CNTNAP5: variants seen among roughly 807,000 people sequenced by gnomAD.
CNTNAP5 encodes the protein contactin associated protein family member 5.
In CNTNAP5, 72 loss-of-function variants were observed where a neutral mutation model predicts 150.2. That is an observed-to-expected ratio of 0.48 (90% CI 0.40 to 0.58). The LOEUF is 0.58. Ranked by LOEUF, CNTNAP5 falls within the 20% of genes least tolerant of loss-of-function variation. The pLI, the probability that CNTNAP5 is intolerant of heterozygous loss-of-function variation, is 0.00. For synonymous variants in CNTNAP5, 672 were observed against 619.8 expected (o/e 1.08, Z -1.25); for missense variants, 1,636 against 1,626.2 (o/e 1.01, Z -0.10).
At position 124,786,446 on chromosome 2, in the gene CNTNAP5, G is replaced by GGAAA. The variant is rs1169080964; in HGVS notation, c.2753-3438_2753-3435dup. 7.6e-4 allele frequency among the ~76,000 whole-genome samples: 60 copies of GGAAA among 78,818 alleles called. 1 individual carries two copies. The highest frequency in any genetic ancestry group is 4.2e-3 in the South Asian group (9 of 2,136). 51.7% of individuals were successfully genotyped at this position (78,818 alleles called of 152,430 possible). A position where few individuals can be genotyped will look rare whatever the true frequency, so the allele number is the denominator to read the frequency against. ...AGGAAGGAAGGAAGGAAGGAAGGAAGGAAAGAAAGAAAGAAAGAAAGGAAG... is the reference window on the plus strand; with the variant it reads ...AGGAAGGAAGGAAGGAAGGAAGGAAGGAAAGAAAGAAAGAAAGAAAGAAAGGAAG... On this transcript the variant is annotated intron_variant, in intron 17 of 23. Coordinates refer to ENST00000682447, the MANE Select transcript of CNTNAP5 (RefSeq NM_001367498.1).
chr2:124,622,763 C>T (rs1677645112), intron 12 of CNTNAP5, among the ~76,000 whole-genome samples: 1 of 152,098 alleles, frequency 6.6e-6, no homozygotes, highest in Admixed American at 6.6e-5. Flanking sequence ...ACTTCCATTG[C>T]CCTACTTCAG....
chr2:124,887,013 T>C lies in CNTNAP5; in HGVS notation c.3437-15869T>C, dbSNP rs1242596272. On this transcript the variant is annotated intron_variant, in intron 21 of 23. Coordinates refer to ENST00000682447, the MANE Select transcript of CNTNAP5 (RefSeq NM_001367498.1). ...TTAATCTTTTTCCTTTTTCTTGGCATAGTGAAAAAAATATGGAATTTGGAG... is the reference window on the plus strand; with the variant it reads ...TTAATCTTTTTCCTTTTTCTTGGCACAGTGAAAAAAATATGGAATTTGGAG... Among the ~76,000 whole-genome samples, 5 of 152,062 alleles carry C rather than the reference T, an allele frequency of 3.3e-5. No homozygotes were observed. The East Asian group carries it at 5.8e-4, about 18-fold the overall frequency.
chr2:124,412,146 A>G (rs1691786190), intron 3 of CNTNAP5, among the ~76,000 whole-genome samples: 1 of 132,148 alleles, frequency 7.6e-6, no homozygotes, highest in Non-Finnish European at 1.7e-5. Flanking sequence ...CAAAGAGAAT[A>G]AAATACCTAG....
chr2:124,238,574 C>A (rs570224474), intron 2 of CNTNAP5, among the ~76,000 whole-genome samples: 1 of 152,172 alleles, frequency 6.6e-6, no homozygotes, highest in African/African-American at 2.4e-5. Flanking sequence ...TGCAAGTGTT[C>A]CCTTTAAGTG....
chr2:124,734,748 G>A (rs562929951), intron 13 of CNTNAP5, among the ~76,000 whole-genome samples: 26 of 152,130 alleles, frequency 1.7e-4, no homozygotes, highest in African/African-American at 5.5e-4. Flanking sequence ...AGATGGATCT[G>A]CTGTAACCTA....
chr2:124,163,980 A>C (rs1221540235), intron 1 of CNTNAP5, among the ~76,000 whole-genome samples: 1 of 152,184 alleles, frequency 6.6e-6, no homozygotes, highest in Non-Finnish European at 1.5e-5. Flanking sequence ...GAGTCTATCC[A>C]AAACATTCAT....
intron 3 of CNTNAP5, among the ~76,000 whole-genome samples, chr2:124,358,340 G>A (rs1024108685): frequency 1.3e-4 from 20 of 152,030 alleles, no homozygotes; most frequent in Admixed American, 3.3e-4. Flanking sequence ...CCAACACTAC[G>A]TTGAATAGGA....
chr2:124,452,911 C>T (rs192611989), intron 6 of CNTNAP5, among the ~76,000 whole-genome samples: 6 of 152,214 alleles, frequency 3.9e-5, no homozygotes, highest in Admixed American at 3.3e-4. Flanking sequence ...TTCACATAGC[C>T]TACCCAAATG....
chr2:124,646,384 T>C (rs1678202176), intron 12 of CNTNAP5, among the ~76,000 whole-genome samples: 1 of 152,168 alleles, frequency 6.6e-6, no homozygotes, highest in African/African-American at 2.4e-5. Flanking sequence ...TCATTACTGT[T>C]TCATGGATGT....
At chr2:124,729,843 C>T (rs1680233763) in intron 13 of CNTNAP5, among the ~76,000 whole-genome samples, 1 of 152,128 alleles carries the variant, frequency 6.6e-6, no homozygotes, top group Admixed American at 6.6e-5. Context: ...TGTTCACATT[C>T]ATTTTTTTAT....
intron 3 of CNTNAP5, among the ~76,000 whole-genome samples, chr2:124,377,309 G>A (rs1476755420): frequency 2.6e-5 from 4 of 152,104 alleles, no homozygotes; most frequent in Non-Finnish European, 5.9e-5. Context: ...TAGCTAATGG[G>A]TCACTCTTTG....
At position 124,747,175 on chromosome 2, in the gene CNTNAP5, C is replaced by G. The variant is rs1680620292; in HGVS notation, c.2078-54C>G. ...TTCAGCTCAGTTTCTGTGCCATCCCCTGTGTTACTTCAGGCTTGCCCTACC... is the reference window on the plus strand; with the variant it reads ...TTCAGCTCAGTTTCTGTGCCATCCCGTGTGTTACTTCAGGCTTGCCCTACC... On this transcript the variant is annotated intron_variant, in intron 13 of 23. Coordinates refer to ENST00000682447, the MANE Select transcript of CNTNAP5 (RefSeq NM_001367498.1). The G allele has an allele frequency of 3.2e-6, 5 of 1,565,388 alleles. No homozygotes were observed. The South Asian group carries it at 5.7e-5, about 18-fold the overall frequency.
chr2:124,823,822 A>G (rs1682537846), intron 19 of CNTNAP5, among the ~76,000 whole-genome samples: 1 of 152,016 alleles, frequency 6.6e-6, no homozygotes, highest in African/African-American at 2.4e-5. Context: ...CCAAGTAGGT[A>G]TCTGGTGCAT....
At chr2:124,374,289 C>A (rs966317452) in intron 3 of CNTNAP5, among the ~76,000 whole-genome samples, 2 of 152,100 alleles carry the variant, frequency 1.3e-5, no homozygotes. Context: ...GATAGAAAGT[C>A]AAAGTTCTGT....
intron 6 of CNTNAP5, among the ~76,000 whole-genome samples, chr2:124,464,543 A>G (rs538834099): frequency 6.6e-6 from 1 of 152,336 alleles, no homozygotes; most frequent in African/African-American, 2.4e-5. Context: ...CAGACATCAG[A>G]AGTTCCAAAC....
At chr2:124,403,278 CCTTT>C (rs1691476021) in intron 3 of CNTNAP5, among the ~76,000 whole-genome samples, 2 of 152,134 alleles carry the variant, frequency 1.3e-5, no homozygotes. Context: ...TTGGAACCCG[CCTTT>C]CTTTTTTTTC....
rs548118036 is a variant in CNTNAP5 at position 124,468,788 on chromosome 2, C to T, written c.919-5951C>T. 7.9e-5 allele frequency among the ~76,000 whole-genome samples: 12 copies of T among 152,322 alleles called. No homozygotes were observed. The South Asian group carries it at 2.5e-3, about 32-fold the overall frequency. On this transcript the variant is annotated intron_variant, in intron 6 of 23. Transcript: ENST00000682447. ...AACTTCAGCCCATTTGTACCCTCAACCTGCTCTTCTGGTCCTGGGGACCCT... is the reference window on the plus strand; with the variant it reads ...AACTTCAGCCCATTTGTACCCTCAATCTGCTCTTCTGGTCCTGGGGACCCT...
intron 12 of CNTNAP5, among the ~76,000 whole-genome samples, chr2:124,642,143 A>G (rs1558716685): frequency 6.6e-6 from 1 of 152,222 alleles, no homozygotes; most frequent in Non-Finnish European, 1.5e-5. Flanking sequence ...GCACTAGTGA[A>G]GGCTGTCTGG....
chr2:124,486,723 G>A (rs1573406946), intron 7 of CNTNAP5, among the ~76,000 whole-genome samples: 1 of 152,074 alleles, frequency 6.6e-6, no homozygotes, highest in African/African-American at 2.4e-5. Flanking sequence ...CACAAGTATA[G>A]GCCTAGGCTC....
Sources: allele counts gnomAD v4.1 joint callset (sites outside exome capture counted in the v4.1 genomes callset), GRCh38; gene constraint gnomAD v4.1.1; transcripts MANE v1.5; gene names NCBI Gene and HGNC (gene_info 2026-07-23, HGNC 2026-07-21).